Variants in ARHGAP21 observed in about 807,000 individuals in gnomAD.
The protein encoded by ARHGAP21 is rho GTPase-activating protein 21.
Under a neutral mutation model 164.6 loss-of-function variants are expected in ARHGAP21, and 38 were observed. The observed-to-expected ratio is 0.23, with a 90% CI of 0.18 to 0.30. The LOEUF is 0.30. Among genes scored for constraint, ARHGAP21 ranks in the 10% least tolerant of loss-of-function variants. The pLI is 1.00. For synonymous variants in ARHGAP21, 766 were observed against 857.9 expected (o/e 0.89, Z 1.87); for missense variants, 1,822 against 2,370.7 (o/e 0.77, Z 4.81).
chr10:24,715,673 G>A (rs1462863764), intron 2 of ARHGAP21, among the ~76,000 whole-genome samples: 6 of 152,292 alleles, frequency 3.9e-5, no homozygotes, highest in Middle Eastern at 6.8e-3. Context: ...GGAGGTCTAA[G>A]GAAGAACATA....
At chr10:24,591,829 AAATG>A in intron 22 of ARHGAP21, 54 bp downstream of exon 22, 1 of 1,591,420 alleles carries the variant, frequency 6.3e-7, no homozygotes, top group Non-Finnish European at 8.5e-7. Flanking sequence ...CTGCCCGTGA[AAATG>A]AATTTTCTTG....
intron 2 of ARHGAP21, among the ~76,000 whole-genome samples, chr10:24,675,058 T>C (rs1193811351): frequency 6.6e-6 from 1 of 152,178 alleles, no homozygotes; most frequent in Non-Finnish European, 1.5e-5. Flanking sequence ...ACCTACCATA[T>C]GACACCGCCA....
intron 2 of ARHGAP21, among the ~76,000 whole-genome samples, chr10:24,683,567 C>T (rs1841965931): frequency 6.6e-6 from 1 of 152,086 alleles, no homozygotes; most frequent in Non-Finnish European, 1.5e-5. Flanking sequence ...GCCTGGCTCA[C>T]TGCAACCTCC....
intron 2 of ARHGAP21, among the ~76,000 whole-genome samples, chr10:24,709,492 C>A (rs1319734217): frequency 6.6e-6 from 1 of 152,126 alleles, no homozygotes; most frequent in African/African-American, 2.4e-5. Context: ...AATCCCCGCA[C>A]TTTGGGAGGC....
chr10:24,597,377 AC>A, intron 16 of ARHGAP21, 69 bp downstream of exon 16: 1 of 1,551,618 alleles, frequency 6.4e-7, no homozygotes, highest in South Asian at 1.2e-5. Context: ...GGTACAGAAA[AC>A]ATAAACGTAC....
intron 2 of ARHGAP21, among the ~76,000 whole-genome samples, chr10:24,680,425 G>C (rs141718876): frequency 3.2e-4 from 48 of 152,130 alleles, no homozygotes; most frequent in South Asian, 6.2e-4. Flanking sequence ...AAATCATATA[G>C]GTAACTCTTG....
chr10:24,686,688 G>A (rs10828685), intron 2 of ARHGAP21, among the ~76,000 whole-genome samples: 8,685 of 152,086 alleles, frequency 0.057, 536 homozygotes, highest in East Asian at 0.29. Context: ...TTTCCTGAAC[G>A]ATTCATGGAT....
chr10:24,709,749 A>C (rs1011061890), intron 2 of ARHGAP21, among the ~76,000 whole-genome samples: 6 of 151,408 alleles, frequency 4.0e-5, no homozygotes, highest in African/African-American at 1.5e-4. Context: ...AAAAAAAAAA[A>C]AAAAACAATC....
intron 7 of ARHGAP21, among the ~76,000 whole-genome samples, chr10:24,628,642 G>A (rs1365595327): frequency 6.6e-6 from 1 of 151,664 alleles, no homozygotes; most frequent in Admixed American, 6.6e-5. Flanking sequence ...AGCGGCCACT[G>A]CCATTTCCTA....
intron 9 of ARHGAP21, among the ~76,000 whole-genome samples, chr10:24,611,990 G>A (rs1299089834): frequency 6.6e-6 from 1 of 152,040 alleles, no homozygotes; most frequent in Non-Finnish European, 1.5e-5. Flanking sequence ...TACAGGTTAG[G>A]GCACAGAGCA....
At chr10:24,659,175 T>C (rs1163271631) in intron 4 of ARHGAP21, among the ~76,000 whole-genome samples, 1 of 152,192 alleles carries the variant, frequency 6.6e-6, no homozygotes, top group African/African-American at 2.4e-5. Flanking sequence ...ACCTAGCAAC[T>C]CTATTCCTAG....
intron 8 of ARHGAP21, among the ~76,000 whole-genome samples, chr10:24,622,396 G>C (rs1333201482): frequency 7.2e-6 from 1 of 138,514 alleles, no homozygotes; most frequent in East Asian, 2.2e-4. Context: ...TAACAGCAAA[G>C]TAGTAGTGAC....
intron 4 of ARHGAP21, among the ~76,000 whole-genome samples, chr10:24,664,564 A>AAATAATAAT (rs1312225404): frequency 2.7e-5 from 4 of 149,140 alleles, no homozygotes; most frequent in African/African-American, 9.9e-5. Flanking sequence ...CAAAAAAAAA[A>AAATAATAAT]AATAATAATA....
At chr10:24,677,048 C>T (rs1234890842) in intron 2 of ARHGAP21, among the ~76,000 whole-genome samples, 3 of 151,842 alleles carry the variant, frequency 2.0e-5, no homozygotes, top group African/African-American at 2.4e-5. Flanking sequence ...GGTGAAGCCC[C>T]GTCTCTACTA....
chr10:24,610,813 A>G (rs1055224869), intron 9 of ARHGAP21, among the ~76,000 whole-genome samples: 1 of 152,238 alleles, frequency 6.6e-6, no homozygotes, highest in Non-Finnish European at 1.5e-5. Context: ...TCCTATATGA[A>G]GAGTTCTTAT....
At chr10:24,640,971 G>C (rs113196092) in intron 4 of ARHGAP21, among the ~76,000 whole-genome samples, 1 of 152,168 alleles carries the variant, frequency 6.6e-6, no homozygotes, top group South Asian at 2.1e-4. Context: ...GTCTTCAGGA[G>C]AGAGAAACAG....
chr10:24,650,717 C>T (rs1838075671), intron 4 of ARHGAP21, among the ~76,000 whole-genome samples: 1 of 152,190 alleles, frequency 6.6e-6, no homozygotes, highest in African/African-American at 2.4e-5. Flanking sequence ...ACAGAATCAA[C>T]TCTTCCACCC....
At position 24,716,000 on chromosome 10, in the gene ARHGAP21, C is replaced by T. The variant is rs116519628; in HGVS notation, c.63+5837G>A. On this transcript the variant is annotated intron_variant, in intron 2 of 25. Coordinates refer to ENST00000396432, the MANE Select transcript of ARHGAP21 (RefSeq NM_020824.4). The stretch of plus-strand genomic sequence containing the variant: ...CTCAAGCCTGCGTGACAATGCAAGG[C>T]TCTGTCTCAAAAAGAAATAAAATAA... 8.4e-3 allele frequency among the ~76,000 whole-genome samples: 1,281 copies of T among 152,308 alleles called. 15 individuals carry two copies. Among genetic ancestry groups the T allele is most frequent in the African/African-American group, 0.028 (1,178 of 41,568 alleles).
intron 2 of ARHGAP21, among the ~76,000 whole-genome samples, chr10:24,721,223 A>C (rs964939095): frequency 1.3e-5 from 2 of 152,174 alleles, no homozygotes; most frequent in Non-Finnish European, 2.9e-5. Context: ...GGGTATAAAT[A>C]AGAGAACAGT....
Sources: allele counts gnomAD v4.1 joint callset (sites outside exome capture counted in the v4.1 genomes callset), GRCh38; gene constraint gnomAD v4.1.1; transcripts MANE v1.5; gene names NCBI Gene and HGNC (gene_info 2026-07-23, HGNC 2026-07-21).